SHISA6: variants seen among roughly 807,000 people sequenced by gnomAD.
SHISA6 encodes protein shisa-6.
A neutral mutation model predicts 47.9 loss-of-function variants in SHISA6; 22 were observed. The observed-to-expected ratio is 0.46, with a 90% CI of 0.33 to 0.66. The LOEUF is 0.66. SHISA6 is among the 30% of genes least tolerant of loss of function. SHISA6 has a pLI of 0.02. For synonymous variants in SHISA6, 388 were observed against 337.8 expected (o/e 1.15, Z -1.63); for missense variants, 680 against 764.6 (o/e 0.89, Z 1.30).
At chr17:11,287,611 G>T (rs552481361) in intron 2 of SHISA6, among the ~76,000 whole-genome samples, 8 of 110,418 alleles carry the variant, frequency 7.2e-5, no homozygotes, top group African/African-American at 2.8e-4. Context: ...GGTCAAGGCT[G>T]CAGTGAGCTA....
At chr17:11,339,983 A>G (rs1241128049) in intron 2 of SHISA6, among the ~76,000 whole-genome samples, 2 of 152,218 alleles carry the variant, frequency 1.3e-5, no homozygotes, top group East Asian at 3.9e-4. Flanking sequence ...GCAGAGAAAG[A>G]AAGGAACCAC....
At chr17:11,465,888 T>C (rs192510729) in intron 3 of SHISA6, among the ~76,000 whole-genome samples, 26 of 152,324 alleles carry the variant, frequency 1.7e-4, no homozygotes, top group Non-Finnish European at 3.7e-4. Flanking sequence ...TTTTTGAGAA[T>C]AGAGACTCAG....
intron 2 of SHISA6, among the ~76,000 whole-genome samples, chr17:11,294,991 G>A (rs1178290063): frequency 2.0e-5 from 3 of 152,172 alleles, no homozygotes; most frequent in Admixed American, 6.5e-5. Context: ...CTAGGATAGC[G>A]CGGCAGTCGA....
At chr17:11,261,888 G>A (rs1908245737) in intron 1 of SHISA6, among the ~76,000 whole-genome samples, 1 of 152,200 alleles carries the variant, frequency 6.6e-6, no homozygotes, top group African/African-American at 2.4e-5. Context: ...TTGAGGAGCT[G>A]CTAAACTGTT....
intron 3 of SHISA6, among the ~76,000 whole-genome samples, chr17:11,384,312 C>T (rs1308847870): frequency 1.3e-5 from 2 of 152,180 alleles, no homozygotes; most frequent in African/African-American, 4.8e-5. Context: ...TGGAAGATGA[C>T]TCTTCTTATT....
chr17:11,560,854 T>C lies in SHISA6; in HGVS notation c.*2550T>C, dbSNP rs1225317191. 1 of 150,882 alleles carries C rather than the reference T, an allele frequency of 6.6e-6. No individual in the cohort carries two copies. Among genetic ancestry groups the C allele is most frequent in the Non-Finnish European group, 1.5e-5 (1 of 68,010 alleles). 9.3% of individuals were successfully genotyped at this position (150,882 alleles called of 1,614,324 possible). A position where few individuals can be genotyped will look rare whatever the true frequency, so the allele number is the denominator to read the frequency against. ...GGGTTGGAAAATTCTACTGCAATGC[T>C]TACTTCTTTTCAAGGATTTCTTCTG... On this transcript the variant is annotated 3_prime_UTR_variant, in exon 6 of 6. Transcript: ENST00000441885.
intron 3 of SHISA6, among the ~76,000 whole-genome samples, chr17:11,537,929 T>C (rs553811979): frequency 6.6e-6 from 1 of 152,338 alleles, no homozygotes; most frequent in South Asian, 2.1e-4. Context: ...GAAGAAGCAA[T>C]ATATGATGAA....
At chr17:11,393,219 A>G (rs1219350829) in intron 3 of SHISA6, among the ~76,000 whole-genome samples, 2 of 152,188 alleles carry the variant, frequency 1.3e-5, no homozygotes, top group African/African-American at 4.8e-5. Context: ...TCCACTAGCT[A>G]TACAGTTGCT....
At chr17:11,339,010 G>A (rs1389935083) in intron 2 of SHISA6, among the ~76,000 whole-genome samples, 1 of 151,520 alleles carries the variant, frequency 6.6e-6, no homozygotes, top group Non-Finnish European at 1.5e-5. Flanking sequence ...AACAAGGAGT[G>A]TTCTATGTGC....
At chr17:11,300,185 A>C (rs1181012113) in intron 2 of SHISA6, among the ~76,000 whole-genome samples, 1 of 152,008 alleles carries the variant, frequency 6.6e-6, no homozygotes, top group Non-Finnish European at 1.5e-5. Flanking sequence ...GAAAAAAGAA[A>C]AAAAGAAAGG....
chr17:11,314,782 C>T (rs980160513), intron 2 of SHISA6, among the ~76,000 whole-genome samples: 2 of 152,010 alleles, frequency 1.3e-5, no homozygotes, highest in East Asian at 1.9e-4. Context: ...TCAGGTGATC[C>T]ACCCGCCTCG....
At chr17:11,531,538 G>T (rs2071733374) in intron 3 of SHISA6, among the ~76,000 whole-genome samples, 1 of 152,120 alleles carries the variant, frequency 6.6e-6, no homozygotes, top group South Asian at 2.1e-4. Flanking sequence ...GACCTGGACA[G>T]GCCACTGCAC....
chr17:11,251,675 T>C (rs894781198), intron 1 of SHISA6, among the ~76,000 whole-genome samples: 3 of 152,198 alleles, frequency 2.0e-5, no homozygotes, highest in Admixed American at 6.5e-5. Flanking sequence ...CACAGCACTT[T>C]AGCCAGCTTG....
At chr17:11,335,598 C>T (rs1432888385) in intron 2 of SHISA6, among the ~76,000 whole-genome samples, 2 of 152,094 alleles carry the variant, frequency 1.3e-5, no homozygotes, top group African/African-American at 4.8e-5. Context: ...TTCCTTGGCT[C>T]CTCAAGCCCC....
At chr17:11,381,799 C>T (rs537467048) in intron 3 of SHISA6, among the ~76,000 whole-genome samples, 102 of 152,296 alleles carry the variant, frequency 6.7e-4, no homozygotes, top group Non-Finnish European at 1.4e-3. Context: ...GTGTCTGATG[C>T]TCCTTATCTC....
intron 2 of SHISA6, among the ~76,000 whole-genome samples, chr17:11,267,159 T>C (rs1908455191): frequency 6.6e-6 from 1 of 152,196 alleles, no homozygotes; most frequent in Non-Finnish European, 1.5e-5. Context: ...TTTCCAACTT[T>C]AAAGATTGCC....
chr17:11,382,657 T>A (rs1211746225), intron 3 of SHISA6, among the ~76,000 whole-genome samples: 5 of 152,222 alleles, frequency 3.3e-5, no homozygotes, highest in African/African-American at 1.2e-4. Context: ...TCCTCTTCCT[T>A]TATTCCTTTT....
intron 2 of SHISA6, among the ~76,000 whole-genome samples, chr17:11,294,859 T>C (rs1909688492): frequency 1.3e-5 from 2 of 152,244 alleles, no homozygotes; most frequent in South Asian, 2.1e-4. Flanking sequence ...TTGAGAACTT[T>C]TGTGTTTTCA....
At chr17:11,543,450 G>T (rs960145170) in intron 3 of SHISA6, among the ~76,000 whole-genome samples, 1 of 152,068 alleles carries the variant, frequency 6.6e-6, no homozygotes, top group Non-Finnish European at 1.5e-5. Flanking sequence ...AAATGTCAAA[G>T]GAATTAAAAT....
Sources: allele counts gnomAD v4.1 joint callset (sites outside exome capture counted in the v4.1 genomes callset), GRCh38; gene constraint gnomAD v4.1.1; transcripts MANE v1.5; gene names NCBI Gene and HGNC (gene_info 2026-07-23, HGNC 2026-07-21).